Variants in TBL1X observed in about 807,000 individuals in gnomAD.
TBL1X encodes transducin beta like 1 X-linked.
Under a neutral mutation model 50.7 loss-of-function variants are expected in TBL1X, and 10 were observed. The observed-to-expected ratio is 0.20, with a 90% confidence interval of 0.12 to 0.33. The LOEUF (loss-of-function observed/expected upper bound fraction) is 0.33, where lower values mean the gene tolerates loss of function less well. Among genes scored for constraint, TBL1X ranks in the 10% least tolerant of loss-of-function variants. The pLI is 1.00. For synonymous variants in TBL1X, 190 were observed against 214.7 expected, an observed-to-expected ratio of 0.88 and a Z score of 1.01; for missense variants, 340 against 504.4, an observed-to-expected ratio of 0.67 and a Z score of 3.12.
chrX:9,465,658 C>A (rs2081767828), intron 1 of TBL1X, among the ~76,000 whole-genome samples: 1 of 112,855 alleles, frequency 8.9e-6, no homozygotes, highest in Admixed American at 9.2e-5. Context: ...GAACAATACC[C>A]CGAGGTGGCC....
At chrX:9,646,148 A>G (rs1346217462) in intron 3 of TBL1X, among the ~76,000 whole-genome samples, 1 of 112,742 alleles carries the variant, frequency 8.9e-6, no homozygotes, top group African/African-American at 3.2e-5. Flanking sequence ...TAGCTAGCAT[A>G]CAATCCATGC....
intron 2 of TBL1X, among the ~76,000 whole-genome samples, chrX:9,570,219 T>G (rs141940653): frequency 0.012 from 1,373 of 112,310 alleles, 7 homozygotes; most frequent in Admixed American, 0.032. Context: ...TCACATTTAT[T>G]CAACGTTCTT....
At chrX:9,501,198 C>T (rs759456475) in intron 1 of TBL1X, among the ~76,000 whole-genome samples, 1 of 112,130 alleles carries the variant, frequency 8.9e-6, no homozygotes, top group South Asian at 3.7e-4. Flanking sequence ...ACGTGGGTTT[C>T]AGTCCCTACC....
chrX:9,684,203 G>T lies in TBL1X; in HGVS notation c.357+15G>T. 8.3e-7 allele frequency: 1 copy of T among 1,211,015 alleles called. No individual in the cohort carries two copies. Among genetic ancestry groups the T allele is most frequent in the Non-Finnish European group, 1.1e-6 (1 of 894,981 alleles). ...GTATCAACGAGGTACGTAGCTGCTG[G>T]GCCCGGCCCCCAAACAGCAGAGCCC... On this transcript the variant is annotated intron_variant, in intron 6 of 17. Coordinates refer to ENST00000645353, the MANE Select transcript of TBL1X (RefSeq NM_005647.4).
chrX:9,617,400 C>A (rs1240472034), intron 2 of TBL1X, among the ~76,000 whole-genome samples: 4 of 111,840 alleles, frequency 3.6e-5, no homozygotes, highest in Non-Finnish European at 5.6e-5. Flanking sequence ...TGACTCAGAC[C>A]ACCCGTACCC....
chrX:9,519,207 A>G (rs762151599), intron 2 of TBL1X, among the ~76,000 whole-genome samples: 1 of 111,780 alleles, frequency 8.9e-6, no homozygotes, highest in South Asian at 3.7e-4. Context: ...TTGCCACCAT[A>G]TGGTATACTT....
intron 5 of TBL1X, among the ~76,000 whole-genome samples, chrX:9,679,761 C>T: frequency 9.0e-6 from 1 of 111,525 alleles, no homozygotes; most frequent in African/African-American, 3.3e-5. Context: ...GCCCATTAGC[C>T]CTGGAGTCCA....
At chrX:9,649,323 AAAATT>A (rs767450122) in intron 3 of TBL1X, among the ~76,000 whole-genome samples, 1 of 112,578 alleles carries the variant, frequency 8.9e-6, no homozygotes, top group African/African-American at 3.2e-5. Flanking sequence ...TCAGTCTTAA[AAAATT>A]AAAATATGTA....
At chrX:9,505,367 C>T (rs1350707079) in intron 2 of TBL1X, among the ~76,000 whole-genome samples, 3 of 111,855 alleles carry the variant, frequency 2.7e-5, no homozygotes. Context: ...AGACCAATGA[C>T]ACTACAAAGA....
chrX:9,705,983 G>T (rs1271243612), intron 13 of TBL1X, among the ~76,000 whole-genome samples: 1 of 111,051 alleles, frequency 9.0e-6, no homozygotes, highest in Non-Finnish European at 1.9e-5. Context: ...GCAGGAGCAG[G>T]CACCTCACAT....
intron 1 of TBL1X, among the ~76,000 whole-genome samples, chrX:9,492,519 C>T (rs1234838496): frequency 9.0e-6 from 1 of 111,689 alleles, no homozygotes; most frequent in Non-Finnish European, 1.9e-5. Context: ...AATTTCTAAT[C>T]ATGTTTTGTC....
intron 5 of TBL1X, among the ~76,000 whole-genome samples, chrX:9,677,358 T>C (rs2083000592): frequency 9.1e-6 from 1 of 110,047 alleles, no homozygotes; most frequent in African/African-American, 3.3e-5. Flanking sequence ...GACTGTATTG[T>C]AAAACCCCTT....
At chrX:9,510,826 CTG>C (rs1316333910) in intron 2 of TBL1X, among the ~76,000 whole-genome samples, 8 of 111,897 alleles carry the variant, frequency 7.1e-5, no homozygotes, top group African/African-American at 2.6e-4. Flanking sequence ...GGATTTGAGA[CTG>C]TGACATCTGC....
At chrX:9,713,996 G>A (rs1284655746) in intron 16 of TBL1X, among the ~76,000 whole-genome samples, 2 of 110,270 alleles carry the variant, frequency 1.8e-5, no homozygotes, top group African/African-American at 6.6e-5. Context: ...ATTAATTTTT[G>A]TAGAGACGAA....
chrX:9,712,332 T>TTTTTTG (rs773790987), intron 16 of TBL1X, among the ~76,000 whole-genome samples: 6 of 112,455 alleles, frequency 5.3e-5, no homozygotes, highest in Non-Finnish European at 7.5e-5. Flanking sequence ...GTTGTTGTTG[T>TTTTTTG]TTTTTGTTTT....
intron 2 of TBL1X, among the ~76,000 whole-genome samples, chrX:9,568,116 C>A (rs17320987): frequency 2.4e-4 from 27 of 112,125 alleles, no homozygotes; most frequent in Non-Finnish European, 4.7e-4. Context: ...CTCCCTGTTA[C>A]AGCCTGGAAG....
At chrX:9,487,108 G>A (rs57839090) in intron 1 of TBL1X, among the ~76,000 whole-genome samples, 6,097 of 111,450 alleles carry the variant, frequency 0.055, 141 homozygotes, top group South Asian at 0.11. Flanking sequence ...GTAATCATTG[G>A]CTAATATCCT....
chrX:9,530,018 C>T (rs993237196), intron 2 of TBL1X, among the ~76,000 whole-genome samples: 2 of 111,332 alleles, frequency 1.8e-5, no homozygotes, highest in Non-Finnish European at 3.8e-5. Flanking sequence ...TCTAGAAATA[C>T]GCTGAGTGGT....
At chrX:9,627,530 T>A (rs1348373566) in intron 2 of TBL1X, among the ~76,000 whole-genome samples, 1 of 112,309 alleles carries the variant, frequency 8.9e-6, no homozygotes. Flanking sequence ...ACAGCCCAAG[T>A]GACTGCATAA....
Sources: gnomAD v4.1 joint callset for allele counts (sites outside exome capture counted in the v4.1 genomes callset) on GRCh38, gnomAD v4.1.1 for gene constraint, MANE v1.5 for transcripts, NCBI Gene and HGNC (gene_info 2026-07-23, HGNC 2026-07-21) for gene names.